B4GALT1: variants seen among roughly 807,000 people sequenced by gnomAD.
B4GALT1 encodes N-acetyllactosamine synthase.
Under a neutral mutation model 34.9 loss-of-function variants are expected in B4GALT1, and 16 were observed. The ratio of observed to expected loss-of-function variants is 0.46; its 90% CI spans 0.31 to 0.70. The LOEUF is 0.70. Ranked by LOEUF, B4GALT1 falls within the 30% of genes least tolerant of loss-of-function variation. The pLI is 0.05. For synonymous variants in B4GALT1, 221 were observed against 218.1 expected (o/e 1.01, Z -0.12); for missense variants, 445 against 530.5 (o/e 0.84, Z 1.58).
chr9:33,127,065 C>A (rs1840122639), intron 2 of B4GALT1, among the ~76,000 whole-genome samples: 1 of 152,084 alleles, frequency 6.6e-6, no homozygotes. Context: ...GGGTTCATAT[C>A]ATTCTCCTGC....
chr9:33,138,777 T>C (rs10971424), intron 1 of B4GALT1, among the ~76,000 whole-genome samples: 56,399 of 151,866 alleles, frequency 0.37, 11,185 homozygotes, highest in East Asian at 0.59. Context: ...GCACCTCAAA[T>C]TCAACCTGCC....
chr9:33,109,878 G>A (rs1839834251), downstream of B4GALT1, among the ~76,000 whole-genome samples: 2 of 152,370 alleles, frequency 1.3e-5, no homozygotes, highest in Admixed American at 6.5e-5. Flanking sequence ...GAGTGGTGGT[G>A]TGTGAGAAGG....
upstream of B4GALT1, among the ~76,000 whole-genome samples, chr9:33,167,525 A>C (rs919425125): frequency 1.3e-5 from 2 of 152,134 alleles, no homozygotes; most frequent in African/African-American, 4.8e-5. Flanking sequence ...GGGTCCCCGG[A>C]GTATGACTGC....
chr9:33,123,769 G>C (rs1400529465), intron 2 of B4GALT1, among the ~76,000 whole-genome samples: 1 of 152,146 alleles, frequency 6.6e-6, no homozygotes, highest in Admixed American at 6.5e-5. Flanking sequence ...AACCACGAAT[G>C]AGCACCTCTG....
intron 2 of B4GALT1, among the ~76,000 whole-genome samples, chr9:33,122,108 T>A (rs1840029166): frequency 1.3e-5 from 2 of 152,208 alleles, no homozygotes; most frequent in South Asian, 4.1e-4. Flanking sequence ...TTCCCATCTC[T>A]CTTGGGATCA....
At chr9:33,167,434 G>A, upstream of B4GALT1, 1 of 324,604 alleles carries the variant, frequency 3.1e-6, no homozygotes, top group African/African-American at 2.2e-5. Context: ...GACGAGGGCG[G>A]GAAGGCGGGG....
At chr9:33,183,855 A>G in the B4GALT1 span, among the ~76,000 whole-genome samples, 1 of 152,210 alleles carries the variant, frequency 6.6e-6, no homozygotes, top group Admixed American at 6.5e-5. Context: ...GGATGAGTTC[A>G]TGTCCTTTGC....
chr9:33,145,933 T>G (rs1840418679), intron 1 of B4GALT1, among the ~76,000 whole-genome samples: 1 of 152,220 alleles, frequency 6.6e-6, no homozygotes, highest in South Asian at 2.1e-4. Flanking sequence ...CTATACCATA[T>G]GTGGTCACAG....
At chr9:33,120,835 C>A (rs1055702283) in intron 2 of B4GALT1, among the ~76,000 whole-genome samples, 1 of 152,026 alleles carries the variant, frequency 6.6e-6, no homozygotes, top group Non-Finnish European at 1.5e-5. Context: ...TGACTATGAA[C>A]AACATTGTCA....
chr9:33,130,064 G>C (rs960846115), intron 2 of B4GALT1, among the ~76,000 whole-genome samples: 2 of 152,218 alleles, frequency 1.3e-5, no homozygotes, highest in African/African-American at 2.4e-5. Context: ...AGGAACAGAG[G>C]TGCCAGAAGA....
chr9:33,125,371 G>A (rs537085443), intron 2 of B4GALT1, among the ~76,000 whole-genome samples: 3 of 152,208 alleles, frequency 2.0e-5, no homozygotes, highest in Non-Finnish European at 2.9e-5. Context: ...CGAGGCTGGG[G>A]AGAAGGGTTA....
chr9:33,166,450 A>AAACTTCCTG (rs946700673), intron 1 of B4GALT1, among the ~76,000 whole-genome samples: 1 of 152,170 alleles, frequency 6.6e-6, no homozygotes, highest in Non-Finnish European at 1.5e-5. Context: ...CCAAACTCCA[A>AAACTTCCTG]AACTTCCTGA....
At chr9:33,125,624 CACT>C (rs1157323966) in intron 2 of B4GALT1, among the ~76,000 whole-genome samples, 3 of 151,788 alleles carry the variant, frequency 2.0e-5, no homozygotes, top group Non-Finnish European at 4.4e-5. Flanking sequence ...TGTGTATGTG[CACT>C]ACACTTGCAA....
downstream of B4GALT1, among the ~76,000 whole-genome samples, chr9:33,109,548 C>A (rs1442977524): frequency 1.3e-5 from 2 of 152,240 alleles, no homozygotes; most frequent in Admixed American, 1.3e-4. Context: ...TATAAACCTG[C>A]AGCTCAGCTA....
chr9:33,166,767 G>C lies in B4GALT1; in HGVS notation c.403C>G (p.Pro135Ala). The change falls in exon 1 of 6, where the codon CCG (proline) becomes GCG (alanine). Residue 135 changes from proline (P) to alanine (A), a missense_variant. Around this residue, in one of 3 missense-constraint regions of B4GALT1, gnomAD observed 349 missense variants for 395.5 expected, o/e 0.88. Transcript: ENST00000379731. ...CGACCCGAGTCCTTACCAAGCAGCG[G>C]GGACTCCTCAGGGCAGGCGGGCAGC... ...LSLPACPEES[P>A]LLVGPMLIEF... is the part of the protein sequence containing the mutation. 2 of 1,509,090 alleles carry C rather than the reference G, an allele frequency of 1.3e-6. No homozygotes were observed. Among genetic ancestry groups the C allele is most frequent in the Middle Eastern group, 1.8e-4 (1 of 5,642 alleles). 93.5% of individuals were successfully genotyped at this position (1,509,090 alleles called of 1,614,324 possible).
Position 33,163,777 on chromosome 9 carries a change from G to A in B4GALT1, c.412+2981C>T, listed in dbSNP as rs190750862. 5.8e-4 allele frequency among the ~76,000 whole-genome samples: 89 copies of A among 152,328 alleles called. 1 individual carries two copies. Among genetic ancestry groups the A allele is most frequent in the African/African-American group, 1.6e-3 (67 of 41,576 alleles). The stretch of plus-strand genomic sequence containing the variant: ...TTATAAGTGGATGCCGCATGGCCCC[G>A]CTGAGGACCTGAGACAGGGTTAGGA... On this transcript the variant is annotated intron_variant, in intron 1 of 5. Transcript: ENST00000379731.
intron 1 of B4GALT1, among the ~76,000 whole-genome samples, chr9:33,150,004 C>T (rs1405056918): frequency 6.6e-6 from 1 of 152,028 alleles, no homozygotes; most frequent in Non-Finnish European, 1.5e-5. Flanking sequence ...CTGTAGATGA[C>T]ATAGCAGAAA....
chr9:33,105,384 T>G (rs1052505839), intron 2 of B4GALT1, among the ~76,000 whole-genome samples: 5 of 151,552 alleles, frequency 3.3e-5, no homozygotes, highest in Non-Finnish European at 5.9e-5. Context: ...CAGGTGATCC[T>G]CCCGCCTCAG....
chr9:33,169,962 C>A (rs1044525985), upstream of B4GALT1, among the ~76,000 whole-genome samples: 2 of 147,894 alleles, frequency 1.4e-5, no homozygotes, highest in Admixed American at 6.8e-5. Flanking sequence ...TATCTTCAGC[C>A]CCTAGATTTT....
Sources: allele counts gnomAD v4.1 joint callset (sites outside exome capture counted in the v4.1 genomes callset), GRCh38; gene constraint gnomAD v4.1.1; regional missense constraint gnomAD v4.1.1; transcripts MANE v1.5; gene names NCBI Gene and HGNC (gene_info 2026-07-23, HGNC 2026-07-21).